Variants in KCNQ4 observed in about 807,000 individuals in gnomAD.
The protein encoded by KCNQ4 is potassium voltage-gated channel subfamily Q member 4, also known as potassium voltage-gated channel subfamily KQT member 4.
In KCNQ4, 31 loss-of-function variants were observed where a neutral mutation model predicts 72.6. The observed-to-expected ratio is 0.43, with a 90% CI of 0.32 to 0.58. The LOEUF (loss-of-function observed/expected upper bound fraction) is 0.58, where lower values mean the gene tolerates loss of function less well. KCNQ4 is among the 20% of genes least tolerant of loss of function. KCNQ4 has a pLI of 0.08. For missense variants in KCNQ4, 869 were observed against 962.6 expected (o/e 0.90, Z 1.29); for synonymous variants, 405 against 403.7 (o/e 1.00, Z -0.04).
chr1:40,838,625 C>A lies in KCNQ4; in HGVS notation c.*102C>A. ...CTCCTCTCGTACTTGAACTCACTCC[C>A]TCACGGGGAGAGAGACCACACGCAG... On this transcript the variant is annotated 3_prime_UTR_variant, in exon 14 of 14. Transcript: ENST00000347132. 1 of 1,112,532 alleles carries A rather than the reference C, an allele frequency of 9.0e-7. No homozygotes were observed. Among genetic ancestry groups the A allele is most frequent in the Non-Finnish European group, 1.4e-6 (1 of 736,404 alleles). The allele number at this position is 1,112,532 out of a possible 1,614,324, so 68.9% of individuals were successfully genotyped here.
chr1:40,790,829 C>T (rs1241033248), intron 1 of KCNQ4, among the ~76,000 whole-genome samples: 10 of 152,044 alleles, frequency 6.6e-5, no homozygotes, highest in African/African-American at 1.2e-4. Flanking sequence ...CAGAGTCTGC[C>T]GGGACCACTG....
chr1:40,816,114 GT>G (rs1490349290), intron 1 of KCNQ4, among the ~76,000 whole-genome samples: 1 of 152,170 alleles, frequency 6.6e-6, no homozygotes, highest in Admixed American at 6.5e-5. Flanking sequence ...GACATGAGGT[GT>G]TCTGCGTAGC....
chr1:40,827,648 G>A (rs1255863145), intron 9 of KCNQ4, among the ~76,000 whole-genome samples: 1 of 152,186 alleles, frequency 6.6e-6, no homozygotes, highest in South Asian at 2.1e-4. Flanking sequence ...TAGGAGATGA[G>A]TGGCAGGGCT....
intron 1 of KCNQ4, among the ~76,000 whole-genome samples, chr1:40,791,158 G>A (rs901745215): frequency 6.6e-6 from 1 of 152,132 alleles, no homozygotes; most frequent in Non-Finnish European, 1.5e-5. Context: ...CATGCTTACT[G>A]GGAAGGTGTC....
chr1:40,785,053 C>A (rs970807234), intron 1 of KCNQ4, among the ~76,000 whole-genome samples: 4 of 152,248 alleles, frequency 2.6e-5, no homozygotes, highest in African/African-American at 9.6e-5. Context: ...GGCCGCCCTG[C>A]CTGCCCTGCC....
At chr1:40,826,623 T>C (rs1184033868) in intron 9 of KCNQ4, 2 of 455,280 alleles carry the variant, frequency 4.4e-6, no homozygotes, top group African/African-American at 4.0e-5. Context: ...TCGTGTCTTA[T>C]TCTCAAACTT....
rs377621100 is a variant in KCNQ4, at chr1:40,799,732, G to T, written c.314+15325G>T. Among the ~76,000 whole-genome samples the T allele has an allele frequency of 2.0e-5, 3 of 152,294 alleles. No individual in the cohort carries two copies. The East Asian group carries it at 5.8e-4, about 29-fold the overall frequency. On this transcript the variant is annotated intron_variant, in intron 1 of 13. Coordinates refer to ENST00000347132, the MANE Select transcript of KCNQ4 (RefSeq NM_004700.4). The stretch of plus-strand genomic sequence containing the variant: ...CGTGCTCCCAAGCCTTGGCCTCCAC[G>T]AGGGAGGCCTGGGACTGTGCCCTGG...
Position 40,827,773 on chromosome 1 carries a change from C to T in KCNQ4, c.1293-3311C>T, listed in dbSNP as rs115172228. Among the ~76,000 whole-genome samples, 228 of 152,294 alleles carry T rather than the reference C, an allele frequency of 1.5e-3. 2 individuals carry two copies. The highest frequency in any genetic ancestry group is 5.0e-3 in the African/African-American group (206 of 41,570). On this transcript the variant is annotated intron_variant, in intron 9 of 13. Transcript: ENST00000347132. The stretch of plus-strand genomic sequence containing the variant: ...TGTGTCCTTGGGCAAATCACCTGAC[C>T]CCTTTGCACCTCAGTTTCCTCAGAT...
At chr1:40,815,238 CAAA>C (rs59957166) in intron 1 of KCNQ4, among the ~76,000 whole-genome samples, 4 of 128,966 alleles carry the variant, frequency 3.1e-5, no homozygotes, top group Non-Finnish European at 6.6e-5. Flanking sequence ...GACTCCATCT[CAAA>C]AAAAAAAAAA....
At chr1:40,825,147 T>C (rs1648438050) in intron 9 of KCNQ4, among the ~76,000 whole-genome samples, 1 of 152,200 alleles carries the variant, frequency 6.6e-6, no homozygotes, top group South Asian at 2.1e-4. Context: ...TCATTCTTTT[T>C]CCCTCGTCCT....
intron 1 of KCNQ4, among the ~76,000 whole-genome samples, chr1:40,814,073 G>A (rs1193581908): frequency 4.2e-5 from 1 of 24,092 alleles, no homozygotes; most frequent in African/African-American, 1.5e-4. Flanking sequence ...TTTTTTTTGA[G>A]ATGATGTCTT....
At chr1:40,821,971 A>G (rs1648310534) in intron 7 of KCNQ4, among the ~76,000 whole-genome samples, 1 of 152,204 alleles carries the variant, frequency 6.6e-6, no homozygotes, top group African/African-American at 2.4e-5. Context: ...TTACAGGTGA[A>G]GAAACTGAGG....
At chr1:40,805,093 G>T (rs1265700977) in intron 1 of KCNQ4, 1 of 151,998 alleles carries the variant, frequency 6.6e-6, no homozygotes, top group Non-Finnish European at 1.5e-5. Flanking sequence ...TCACACCTGT[G>T]AATAGCCACT....
At chr1:40,818,069 C>A in intron 2 of KCNQ4, 95 bp from the exon 3 acceptor site, 2 of 1,534,034 alleles carry the variant, frequency 1.3e-6, no homozygotes, top group South Asian at 1.1e-5. Context: ...AGGCCCTGGT[C>A]CCCCTAACCC....
rs1362192848 is a variant in KCNQ4, at chr1:40,838,415, C to G, written c.1980C>G (p.Phe660Leu). Reference sequence around the variant, plus strand: ...TGGGCGCCGTGCAAGTGCCGCTGTTCGACCCCGACATCACCTCCGACTACC... The same window carrying G: ...TGGGCGCCGTGCAAGTGCCGCTGTTGGACCCCGACATCACCTCCGACTACC... ...ASLGAVQVPL[F>L]DPDITSDYHS... is the part of the protein sequence containing the mutation. Residue 660 changes from phenylalanine (F) to leucine (L), a missense_variant, in exon 14 of 14, where the codon TTC becomes TTG. Physicochemically the swap from Phe to Leu is conservative, Grantham distance 22. Coordinates refer to ENST00000347132, the MANE Select transcript of KCNQ4 (RefSeq NM_004700.4). 1.9e-6 allele frequency: 3 copies of G among 1,614,124 alleles called. No homozygotes were observed. The highest frequency in any genetic ancestry group is 2.5e-6 in the Non-Finnish European group (3 of 1,179,968).
At chr1:40,789,687 G>A (rs1010577915) in intron 1 of KCNQ4, among the ~76,000 whole-genome samples, 5 of 152,200 alleles carry the variant, frequency 3.3e-5, no homozygotes, top group Non-Finnish European at 7.3e-5. Flanking sequence ...CGCGCTGCTA[G>A]ATGTCTAACT....
At chr1:40,821,930 A>G (rs1299729678) in intron 7 of KCNQ4, among the ~76,000 whole-genome samples, 2 of 152,168 alleles carry the variant, frequency 1.3e-5, no homozygotes, top group Non-Finnish European at 2.9e-5. Context: ...TCCTCACAAC[A>G]CCCTGGTAGG....
chr1:40,785,466 T>C (rs1647193173), intron 1 of KCNQ4, among the ~76,000 whole-genome samples: 3 of 152,072 alleles, frequency 2.0e-5, no homozygotes, highest in Non-Finnish European at 4.4e-5. Context: ...GTCTCCTGGG[T>C]GGCCCACCTG....
chr1:40,808,149 C>T (rs1647818860), intron 1 of KCNQ4, among the ~76,000 whole-genome samples: 1 of 151,914 alleles, frequency 6.6e-6, no homozygotes, highest in Non-Finnish European at 1.5e-5. Context: ...CTGGGCAGTC[C>T]CCAGACACTG....
Sources: gnomAD v4.1 joint callset for allele counts (sites outside exome capture counted in the v4.1 genomes callset) on GRCh38, gnomAD v4.1.1 for gene constraint, MANE v1.5 for transcripts, NCBI Gene and HGNC (gene_info 2026-07-23, HGNC 2026-07-21) for gene names.